Variants in SEC14L3 observed in about 807,000 individuals in gnomAD.
The protein encoded by SEC14L3 is SEC14 like lipid binding 3.
SEC14L3 carries 56 observed loss-of-function variants against 57.4 expected under a neutral mutation model. The ratio of observed to expected loss-of-function variants is 0.97; its 90% confidence interval spans 0.79 to 1.22. The LOEUF is 1.22. SEC14L3 is among the 50% of genes most tolerant of loss of function. The pLI is 0.00. For missense variants in SEC14L3, 485 were observed against 511.7 expected (o/e 0.95, Z 0.50); for synonymous variants, 173 against 194.4 (o/e 0.89, Z 0.92).
At position 30,464,816 on chromosome 22, in the gene SEC14L3, T is replaced by C. The variant is rs777471529; in HGVS notation, c.664+4A>G. Reference sequence around the variant, plus strand: ...GGTCAGGAAATTGAGCTGGCACTACTTACTTCCCAACACAATAATTTTCCT... The same window carrying C: ...GGTCAGGAAATTGAGCTGGCACTACCTACTTCCCAACACAATAATTTTCCT... On this transcript the variant is annotated splice_donor_region_variant and intron_variant, in intron 8 of 11. Transcript: ENST00000215812. 9 of 1,613,996 alleles carry C rather than the reference T, an allele frequency of 5.6e-6. No homozygotes were observed. Among genetic ancestry groups the C allele is most frequent in the South Asian group, 2.2e-5 (2 of 91,068 alleles).
At chr22:30,448,717 A>AAAAAG (rs1556004431) in exon 13 of SEC14L3, 161 of 173,700 alleles carry the variant, frequency 9.3e-4, no homozygotes, top group African/African-American at 3.4e-3. Flanking sequence ...CCAAAAAAAA[A>AAAAAG]AAAGAAAGAA....
Position 30,461,302 on chromosome 22 carries a change from A to C in SEC14L3, c.1081+8T>G. 1.3e-6 allele frequency: 2 copies of C among 1,569,582 alleles called. No individual in the cohort carries two copies. Among genetic ancestry groups the C allele is most frequent in the Non-Finnish European group, 1.7e-6 (2 of 1,157,766 alleles). On this transcript the variant is annotated splice_region_variant and intron_variant, in intron 11 of 11. Coordinates refer to ENST00000215812, the MANE Select transcript of SEC14L3 (RefSeq NM_174975.5). The stretch of plus-strand genomic sequence containing the variant: ...TTCAGAGCCAGGTCCCAGCTGGGGC[A>C]GACTTACAGACGCCGGCCTCTGAGC...
chr22:30,455,077 A>G (rs1297855682), downstream of SEC14L3, among the ~76,000 whole-genome samples: 2 of 82,866 alleles, frequency 2.4e-5, no homozygotes, highest in Non-Finnish European at 4.2e-5. Context: ...AATATATAAT[A>G]TATTAAATAT....
chr22:30,461,860 T>C (rs968433034), intron 9 of SEC14L3, 166 bp from the exon 10 acceptor site: 2 of 555,846 alleles, frequency 3.6e-6, no homozygotes, highest in Non-Finnish European at 4.6e-6. Context: ...CCAGTGCGTC[T>C]GCTGGGAGCT....
chr22:30,469,518 G>A (rs1034344277), intron 4 of SEC14L3, among the ~76,000 whole-genome samples: 3 of 152,294 alleles, frequency 2.0e-5, no homozygotes, highest in East Asian at 3.9e-4. Flanking sequence ...AAGTGAAGAC[G>A]TGACCATTAC....
chr22:30,469,860 G>A (rs1157049572), intron 4 of SEC14L3, among the ~76,000 whole-genome samples, 159 bp downstream of exon 4: 1 of 152,178 alleles, frequency 6.6e-6, no homozygotes, highest in African/African-American at 2.4e-5. Context: ...CCTGGACCTT[G>A]CAAGCCCCCA....
chr22:30,459,928 A>T lies in SEC14L3; in HGVS notation c.*93T>A, dbSNP rs541134107. The T allele has an allele frequency of 6.5e-7, 1 of 1,529,438 alleles. No homozygotes were observed. The highest frequency in any genetic ancestry group is 8.8e-7 in the Non-Finnish European group (1 of 1,134,292). 94.7% of individuals were successfully genotyped at this position (1,529,438 alleles called of 1,614,324 possible). ...TACTCACTAACGTCACAGAGTCAGG[A>T]GGACTAACAATCAATTTCAGGGAGG... On this transcript the variant is annotated 3_prime_UTR_variant, in exon 12 of 12. Transcript: ENST00000215812.
At chr22:30,470,688 G>C in intron 1 of SEC14L3, 106 bp from the exon 2 acceptor site, 1 of 1,554,176 alleles carries the variant, frequency 6.4e-7, no homozygotes, top group Non-Finnish European at 8.7e-7. Context: ...ATGCAAAATG[G>C]CCCACATTGA....
intron 4 of SEC14L3, among the ~76,000 whole-genome samples, chr22:30,469,624 G>T (rs761143209): frequency 6.6e-6 from 1 of 152,186 alleles, no homozygotes; most frequent in Non-Finnish European, 1.5e-5. Flanking sequence ...CAATGCCTTA[G>T]GGGGCAGGGG....
downstream of SEC14L3, among the ~76,000 whole-genome samples, chr22:30,456,312 AAAAAAAC>A (rs1305948300): frequency 6.6e-6 from 1 of 151,558 alleles, no homozygotes; most frequent in Non-Finnish European, 1.5e-5. Flanking sequence ...AAAAAAAAAA[AAAAAAAC>A]AAACACCAAA....
chr22:30,455,137 A>T (rs1370792028), downstream of SEC14L3, among the ~76,000 whole-genome samples: 1 of 94,062 alleles, frequency 1.1e-5, no homozygotes, highest in African/African-American at 4.3e-5. Flanking sequence ...ATTATATTTA[A>T]TATTTAATAT....
In SEC14L3 at chr22:30,461,401, T is replaced by G. The variant is rs1488338062; in HGVS notation, c.990A>C (p.Ala330=). ...TGGGTAGAACATCTGTCATCTCCCCTGCCCGCTGTCGCTCCCCCATCTTGG... is the reference window on the plus strand; with the variant it reads ...TGGGTAGAACATCTGTCATCTCCCCGGCCCGCTGTCGCTCCCCCATCTTGG... ...LKTKMGERQR[A]GEMTDVLPSQ... is the part of the protein sequence containing the mutation. Residue 330 remains alanine (A), a synonymous_variant, in exon 11 of 12, where the codon GCA becomes GCC. Coordinates refer to ENST00000215812, the MANE Select transcript of SEC14L3 (RefSeq NM_174975.5). The G allele has an allele frequency of 1.2e-6, 2 of 1,614,108 alleles. No homozygotes were observed. Among genetic ancestry groups the G allele is most frequent in the Non-Finnish European group, 1.7e-6 (2 of 1,179,974 alleles).
At chr22:30,455,358 C>T (rs534120518), downstream of SEC14L3, among the ~76,000 whole-genome samples, 69 of 148,708 alleles carry the variant, frequency 4.6e-4, no homozygotes, top group African/African-American at 1.6e-3. Flanking sequence ...AAGTGATTGT[C>T]CTGCCTCAGT....
Position 30,470,216 on chromosome 22 carries a change from C to A in SEC14L3, c.170G>T (p.Arg57Leu), listed in dbSNP as rs749008344. Residue 57 changes from arginine to leucine, a missense_variant, in exon 3 of 12, where the codon CGC (arginine) becomes CTC (leucine). Arg to Leu is a moderately radical substitution (Grantham distance 102). Transcript: ENST00000215812. ...FDLQKSEALLRKYMEFRKTMD... is the reference protein window; with the variant it reads ...FDLQKSEALLLKYMEFRKTMD... ...TCCAGAGTGGATAGGTCTCACCTTG[C>A]GGAGCAAAGCCTCCGACTTCTGCAA... The A allele has an allele frequency of 1.9e-6, 3 of 1,613,996 alleles. No individual in the cohort carries two copies. The highest frequency in any genetic ancestry group is 2.2e-5 in the South Asian group (2 of 91,054).
exon 13 of SEC14L3, chr22:30,449,121 A>C (rs1178174232): frequency 6.4e-7 from 1 of 1,550,608 alleles, no homozygotes; most frequent in Non-Finnish European, 8.7e-7. Context: ...AGGCCTACTT[A>C]GCTTGCATTT....
chr22:30,463,549 C>T (rs35617977), intron 8 of SEC14L3, among the ~76,000 whole-genome samples: 13,174 of 152,264 alleles, frequency 0.087, 769 homozygotes, highest in Non-Finnish European at 0.13. Flanking sequence ...CCCTTCAAAC[C>T]AGGCCCTCAT....
At chr22:30,467,279 C>CCATCCATCCATCCATCCATT (rs1935450251) in intron 5 of SEC14L3, 4 of 274,806 alleles carry the variant, frequency 1.5e-5, no homozygotes, top group African/African-American at 9.4e-5. Context: ...ATCCATCCAT[C>CCATCCATCCATCCATCCATT]CATCTATCCA....
chr22:30,465,185 A>G (rs1038003768), intron 7 of SEC14L3, among the ~76,000 whole-genome samples: 1 of 152,218 alleles, frequency 6.6e-6, no homozygotes, highest in Non-Finnish European at 1.5e-5. Flanking sequence ...TCAGTCAACC[A>G]ATAAACCAGC....
At chr22:30,465,007 G>A (rs2146112707) in intron 7 of SEC14L3, 104 bp from the exon 8 acceptor site, 1 of 1,542,282 alleles carries the variant, frequency 6.5e-7, no homozygotes, top group East Asian at 2.3e-5. Flanking sequence ...GACTAACCCT[G>A]GTCAATTCCA....
Sources: allele counts gnomAD v4.1 joint callset (sites outside exome capture counted in the v4.1 genomes callset), GRCh38; gene constraint gnomAD v4.1.1; transcripts MANE v1.5; gene names NCBI Gene and HGNC (gene_info 2026-07-23, HGNC 2026-07-21).